Variants in DLG2 observed in about 807,000 individuals in gnomAD.
DLG2 encodes the protein disks large homolog 2.
DLG2 carries 45 observed loss-of-function variants against 132.5 expected under a neutral mutation model. That is an observed-to-expected ratio of 0.34 (90% CI 0.27 to 0.44). The LOEUF is 0.44. Among genes scored for constraint, DLG2 ranks in the 20% least tolerant of loss-of-function variants. DLG2 has a pLI of 1.00. For synonymous variants in DLG2, 424 were observed against 419.6 expected (o/e 1.01, Z -0.13); for missense variants, 1,045 against 1,196.9 (o/e 0.87, Z 1.87).
chr11:84,364,534 C>T (rs1311753622), intron 7 of DLG2, among the ~76,000 whole-genome samples: 1 of 152,302 alleles, frequency 6.6e-6, no homozygotes, highest in Non-Finnish European at 1.5e-5. Context: ...CTAGCCAGAA[C>T]TTCCAACACT....
intron 4 of DLG2, among the ~76,000 whole-genome samples, chr11:85,184,064 C>A (rs1308678145): frequency 1.3e-5 from 2 of 151,906 alleles, no homozygotes; most frequent in African/African-American, 4.8e-5. Flanking sequence ...TAGGGTTTAA[C>A]CAAGTTTCTT....
rs925716791 is a variant in DLG2 at position 84,945,960 on chromosome 11, C to G, written c.357+165701G>C. 3.3e-5 allele frequency among the ~76,000 whole-genome samples: 5 copies of G among 152,172 alleles called. No homozygotes were observed. In the East Asian group the frequency reaches 9.8e-4, roughly 30 times the overall value. ...CACTTTTCCCTCTTCTCTCCTCAAG[C>G]AGAAGGAGCTTCGCCCTGTGGCTGC... is the stretch of plus-strand genomic sequence containing the variant. On this transcript the variant is annotated intron_variant, in intron 6 of 27. Transcript: ENST00000376104.
chr11:85,132,715 G>C, intron 5 of DLG2: 1 of 456,594 alleles, frequency 2.2e-6, no homozygotes, highest in Non-Finnish European at 4.4e-6. Flanking sequence ...TACGGGACCA[G>C]AATAATAATA....
chr11:84,998,744 G>A (rs1192178055), intron 6 of DLG2, among the ~76,000 whole-genome samples: 2 of 151,736 alleles, frequency 1.3e-5, no homozygotes, highest in Admixed American at 6.6e-5. Context: ...GACCATAAGC[G>A]GATTTTTTTT....
chr11:85,098,257 G>A (rs7949798), intron 6 of DLG2, among the ~76,000 whole-genome samples: 5 of 152,150 alleles, frequency 3.3e-5, no homozygotes, highest in Non-Finnish European at 7.4e-5. Flanking sequence ...ATAGTGCAAC[G>A]AAGAATAAAA....
chr11:83,990,986 A>C (rs992879103), intron 11 of DLG2, among the ~76,000 whole-genome samples: 1 of 152,162 alleles, frequency 6.6e-6, no homozygotes, highest in Non-Finnish European at 1.5e-5. Context: ...CAGCTAAAAA[A>C]CAACAAAAAA....
intron 3 of DLG2, among the ~76,000 whole-genome samples, chr11:85,548,864 C>T (rs1042592140): frequency 1.3e-5 from 2 of 152,166 alleles, no homozygotes; most frequent in African/African-American, 4.8e-5. Flanking sequence ...CATCGCGGGT[C>T]AAGCTCAGAC....
At chr11:83,713,479 G>A (rs1177230228) in intron 18 of DLG2, among the ~76,000 whole-genome samples, 2 of 152,142 alleles carry the variant, frequency 1.3e-5, no homozygotes, top group African/African-American at 4.8e-5. Flanking sequence ...TAAATGTAGG[G>A]TTCATGTTCC....
chr11:84,203,011 G>A (rs1205520474), intron 8 of DLG2, among the ~76,000 whole-genome samples: 2 of 152,164 alleles, frequency 1.3e-5, no homozygotes, highest in Non-Finnish European at 2.9e-5. Flanking sequence ...TTACACTGTT[G>A]GTGGGAGTGT....
chr11:84,441,877 C>A (rs994039374), intron 7 of DLG2, among the ~76,000 whole-genome samples: 4 of 152,164 alleles, frequency 2.6e-5, no homozygotes, highest in Non-Finnish European at 4.4e-5. Flanking sequence ...AATAGGGGAT[C>A]CTTTCCCCAT....
chr11:84,516,839 G>C (rs2099274660), intron 7 of DLG2, among the ~76,000 whole-genome samples: 1 of 151,018 alleles, frequency 6.6e-6, no homozygotes, highest in Admixed American at 6.6e-5. Flanking sequence ...TATTAGCAAT[G>C]TAAATTCAGC....
intron 4 of DLG2, among the ~76,000 whole-genome samples, chr11:85,251,017 T>C (rs2076370855): frequency 6.6e-6 from 1 of 152,210 alleles, no homozygotes. Context: ...TAGTTTAATC[T>C]TAGTAGGATT....
At chr11:85,377,803 A>ATGTGTG (rs1555086383) in intron 3 of DLG2, among the ~76,000 whole-genome samples, 56 of 131,306 alleles carry the variant, frequency 4.3e-4, no homozygotes, top group East Asian at 6.5e-4. Context: ...ATATATATAT[A>ATGTGTG]TGTGTGTGTG....
At chr11:84,394,497 T>C (rs900324105) in intron 7 of DLG2, among the ~76,000 whole-genome samples, 11 of 152,156 alleles carry the variant, frequency 7.2e-5, no homozygotes, top group Admixed American at 6.5e-4. Flanking sequence ...TTAAGATGGC[T>C]CTTTCTCATT....
At chr11:83,467,771 GTATATATATATATATATATA>G (rs1192401405) in intron 25 of DLG2, among the ~76,000 whole-genome samples, 1,589 of 85,080 alleles carry the variant, frequency 0.019, 84 homozygotes, top group African/African-American at 0.06. Flanking sequence ...AAAACTATAT[GTATATATATATATATATATA>G]TATATATATA....
At chr11:84,518,876 A>C (rs2099283088) in intron 7 of DLG2, among the ~76,000 whole-genome samples, 1 of 152,154 alleles carries the variant, frequency 6.6e-6, no homozygotes, top group African/African-American at 2.4e-5. Context: ...TGGATGCTGA[A>C]GTGAAAAATA....
At chr11:85,353,365 T>C (rs1281509698) in intron 3 of DLG2, among the ~76,000 whole-genome samples, 2 of 152,110 alleles carry the variant, frequency 1.3e-5, no homozygotes, top group Admixed American at 6.5e-5. Flanking sequence ...TGTGGAGAAA[T>C]AGGAATGCTT....
intron 3 of DLG2, among the ~76,000 whole-genome samples, chr11:85,486,831 G>A (rs565962750): frequency 6.6e-6 from 1 of 151,854 alleles, no homozygotes; most frequent in East Asian, 1.9e-4. Context: ...GCCACCTGGG[G>A]ATCCAAGAAT....
chr11:85,340,431 T>C (rs927390114), intron 3 of DLG2, among the ~76,000 whole-genome samples: 2 of 152,126 alleles, frequency 1.3e-5, no homozygotes, highest in Non-Finnish European at 2.9e-5. Flanking sequence ...TATGTGGGAA[T>C]TGAACAATGA....
Sources: gnomAD v4.1 joint callset for allele counts (sites outside exome capture counted in the v4.1 genomes callset) on GRCh38, gnomAD v4.1.1 for gene constraint, MANE v1.5 for transcripts, NCBI Gene and HGNC (gene_info 2026-07-23, HGNC 2026-07-21) for gene names.